Variants in FSTL5 observed in about 807,000 individuals in gnomAD.
The protein encoded by FSTL5 is follistatin-related protein 5.
A neutral mutation model predicts 89.1 loss-of-function variants in FSTL5; 62 were observed. The ratio of observed to expected loss-of-function variants is 0.70; its 90% CI spans 0.57 to 0.86. The LOEUF is 0.86. Among genes scored for constraint, FSTL5 ranks in the 40% least tolerant of loss-of-function variants. The pLI is 0.00. For synonymous variants in FSTL5, 383 were observed against 346.2 expected (o/e 1.11, Z -1.18); for missense variants, 1,057 against 1,001.6 (o/e 1.06, Z -0.75).
chr4:161,641,300 G>A (rs1213479065), intron 7 of FSTL5, among the ~76,000 whole-genome samples: 1 of 152,126 alleles, frequency 6.6e-6, no homozygotes, highest in Non-Finnish European at 1.5e-5. Context: ...ACTTTGGTTT[G>A]TAACTCCACA....
At chr4:161,651,080 A>G (rs894611965) in intron 7 of FSTL5, among the ~76,000 whole-genome samples, 1 of 152,008 alleles carries the variant, frequency 6.6e-6, no homozygotes, top group Non-Finnish European at 1.5e-5. Context: ...AATACTCTAT[A>G]TTTGTCTTTA....
intron 15 of FSTL5, among the ~76,000 whole-genome samples, chr4:161,444,346 C>T (rs1732875431): frequency 6.6e-6 from 1 of 151,782 alleles, no homozygotes; most frequent in Non-Finnish European, 1.5e-5. Context: ...TTTTTTCTCT[C>T]TCCCTTCTGA....
intron 15 of FSTL5, among the ~76,000 whole-genome samples, chr4:161,416,844 CAAA>C (rs532290897): frequency 7.0e-5 from 5 of 71,056 alleles, no homozygotes; most frequent in Admixed American, 3.0e-4. Context: ...GACTCCATCT[CAAA>C]AAAAAAAAAA....
At chr4:161,679,959 G>C (rs1737460160) in intron 6 of FSTL5, among the ~76,000 whole-genome samples, 1 of 151,556 alleles carries the variant, frequency 6.6e-6, no homozygotes, top group Non-Finnish European at 1.5e-5. Flanking sequence ...ATTAAACTGA[G>C]TTTTATATTC....
At chr4:161,645,297 C>T (rs1736114674) in intron 7 of FSTL5, among the ~76,000 whole-genome samples, 1 of 151,940 alleles carries the variant, frequency 6.6e-6, no homozygotes, top group South Asian at 2.1e-4. Flanking sequence ...TCCTTATGAA[C>T]ATGTAAATAA....
At chr4:161,705,950 GTGTATATATATATATATA>G (rs1234923308) in intron 6 of FSTL5, among the ~76,000 whole-genome samples, 23 of 18,626 alleles carry the variant, frequency 1.2e-3, no homozygotes, top group African/African-American at 2.9e-3. Context: ...GTGTAGATGT[GTGTATATATATATATATA>G]TATATATATA....
At chr4:161,509,395 G>T (rs1237582629) in intron 11 of FSTL5, among the ~76,000 whole-genome samples, 1 of 152,132 alleles carries the variant, frequency 6.6e-6, no homozygotes, top group African/African-American at 2.4e-5. Flanking sequence ...TGAAATATTT[G>T]AAGTGGAATA....
intron 10 of FSTL5, among the ~76,000 whole-genome samples, chr4:161,527,269 T>G (rs561835863): frequency 1.4e-4 from 22 of 152,254 alleles, no homozygotes; most frequent in Non-Finnish European, 7.4e-5. Context: ...ATAAGAATGC[T>G]TGTGAAAAGC....
chr4:162,074,843 T>C (rs10030663), intron 2 of FSTL5, among the ~76,000 whole-genome samples: 36,435 of 151,562 alleles, frequency 0.24, 5,097 homozygotes, highest in Non-Finnish European at 0.32. Flanking sequence ...ACCGAACACT[T>C]AGCCTACTAA....
chr4:161,665,715 TATA>T (rs1424004661), intron 6 of FSTL5, among the ~76,000 whole-genome samples: 6 of 152,112 alleles, frequency 3.9e-5, no homozygotes, highest in Admixed American at 6.5e-5. Flanking sequence ...ACACAAATAT[TATA>T]ATAAAATTAA....
intron 3 of FSTL5, among the ~76,000 whole-genome samples, chr4:161,983,744 A>G (rs569325905): frequency 6.6e-6 from 1 of 152,190 alleles, no homozygotes; most frequent in Non-Finnish European, 1.5e-5. Flanking sequence ...GTCTCTCACC[A>G]AAATAACCTT....
At chr4:162,111,541 G>T in intron 1 of FSTL5, 129 bp from the exon 2 acceptor site, 1 of 606,736 alleles carries the variant, frequency 1.6e-6, no homozygotes, top group Non-Finnish European at 2.7e-6. Context: ...AGTTGCCAAG[G>T]GAAATGAGAA....
chr4:162,083,405 A>T (rs1292140552), intron 2 of FSTL5, among the ~76,000 whole-genome samples: 5 of 151,802 alleles, frequency 3.3e-5, no homozygotes, highest in Non-Finnish European at 7.4e-5. Context: ...GTATGAAAAA[A>T]TTAGATAGTT....
At chr4:161,827,553 G>A (rs1473758433) in intron 4 of FSTL5, among the ~76,000 whole-genome samples, 1 of 152,200 alleles carries the variant, frequency 6.6e-6, no homozygotes, top group Non-Finnish European at 1.5e-5. Context: ...ACCAGGGCTG[G>A]TAGAGAAAGA....
chr4:161,611,793 G>A (rs1734662758), intron 7 of FSTL5, among the ~76,000 whole-genome samples: 1 of 152,194 alleles, frequency 6.6e-6, no homozygotes, highest in African/African-American at 2.4e-5. Flanking sequence ...AAATAGAAAT[G>A]TTGAAAAGAA....
intron 4 of FSTL5, among the ~76,000 whole-genome samples, chr4:161,917,944 A>G (rs1050954410): frequency 7.9e-5 from 12 of 152,210 alleles, no homozygotes; most frequent in African/African-American, 2.7e-4. Context: ...AAAATCTAAA[A>G]GTAGCAAATA....
chr4:161,927,890 T>A (rs1734169951), intron 3 of FSTL5, among the ~76,000 whole-genome samples: 1 of 151,714 alleles, frequency 6.6e-6, no homozygotes, highest in African/African-American at 2.4e-5. Flanking sequence ...ACAGCCAAAC[T>A]GAATGGCAAG....
chr4:162,088,727 TTAAG>T (rs1730420184), intron 2 of FSTL5, among the ~76,000 whole-genome samples: 1 of 152,134 alleles, frequency 6.6e-6, no homozygotes, highest in Non-Finnish European at 1.5e-5. Flanking sequence ...GTTAAAATCT[TTAAG>T]TAAGGAAAAC....
Position 161,613,061 on chromosome 4 carries a change from T to C in FSTL5, c.895-25486A>G, listed in dbSNP as rs116994138. On this transcript the variant is annotated intron_variant, in intron 7 of 15. Coordinates refer to ENST00000306100, the MANE Select transcript of FSTL5 (RefSeq NM_020116.5). The stretch of plus-strand genomic sequence containing the variant: ...TAGCCACCTCAGAGGGTGGCTAATA[T>C]GTAATAAACCCCAAAGATAATCACA... Among the ~76,000 whole-genome samples, 16 of 152,308 alleles carry C rather than the reference T, an allele frequency of 1.1e-4. No homozygotes were observed. In the East Asian group the frequency reaches 2.5e-3, roughly 24 times the overall value.
Sources: allele counts gnomAD v4.1 joint callset (sites outside exome capture counted in the v4.1 genomes callset), GRCh38; gene constraint gnomAD v4.1.1; transcripts MANE v1.5; gene names NCBI Gene and HGNC (gene_info 2026-07-23, HGNC 2026-07-21).